The following TBC1D19 variants were observed in gnomAD, a reference collection of about 807,000 sequenced individuals.
TBC1D19 encodes the protein TBC1 domain family member 19.
TBC1D19 carries 60 observed loss-of-function variants against 89.0 expected under a neutral mutation model. The observed-to-expected ratio is 0.67, with a 90% confidence interval of 0.55 to 0.84. The LOEUF is 0.84. Ranked by LOEUF, TBC1D19 falls within the 40% of genes least tolerant of loss-of-function variation. The probability of loss-of-function intolerance (pLI) is 0.00; values close to 1 mark genes in which losing one functional copy is unlikely to be tolerated. For missense variants in TBC1D19, 500 were observed against 610.8 expected (o/e 0.82, Z 1.91); for synonymous variants, 189 against 199.7 (o/e 0.95, Z 0.45).
intron 15 of TBC1D19, among the ~76,000 whole-genome samples, chr4:26,723,049 T>C (rs1717076796): frequency 6.6e-6 from 1 of 152,196 alleles, no homozygotes; most frequent in Non-Finnish European, 1.5e-5. Flanking sequence ...AGAGGATGTA[T>C]GTGATAGGTT....
the TBC1D19 span, among the ~76,000 whole-genome samples, chr4:26,842,591 T>C: frequency 6.0e-3 from 521 of 86,768 alleles, 3 homozygotes; most frequent in Middle Eastern, 9.9e-3. Context: ...TCCCTTTCTT[T>C]CTTTCTTTCT....
chr4:26,699,015 T>G (rs1295082849), intron 13 of TBC1D19, among the ~76,000 whole-genome samples: 3 of 152,040 alleles, frequency 2.0e-5, no homozygotes, highest in African/African-American at 4.8e-5. Flanking sequence ...TGACAAATGT[T>G]ATCTAATTAA....
At chr4:26,724,312 G>A (rs1342857499) in intron 15 of TBC1D19, among the ~76,000 whole-genome samples, 1 of 152,028 alleles carries the variant, frequency 6.6e-6, no homozygotes, top group African/African-American at 2.4e-5. Context: ...CCTGTGAATG[G>A]GTTATACTTT....
At chr4:26,817,456 C>T in the TBC1D19 span, among the ~76,000 whole-genome samples, 21 of 152,148 alleles carry the variant, frequency 1.4e-4, no homozygotes, top group Admixed American at 3.9e-4. Flanking sequence ...TTGGTAGTTG[C>T]GTGCCCTTGG....
chr4:26,651,726 A>G (rs1015118083), intron 7 of TBC1D19, among the ~76,000 whole-genome samples: 1 of 152,096 alleles, frequency 6.6e-6, no homozygotes, highest in Non-Finnish European at 1.5e-5. Context: ...CCTGATTGCC[A>G]TGGCCAGAAC....
the TBC1D19 span, among the ~76,000 whole-genome samples, chr4:26,838,725 A>G: frequency 5.9e-5 from 9 of 152,238 alleles, no homozygotes; most frequent in Admixed American, 2.6e-4. Context: ...CAAGGATTCC[A>G]AAACCTGATC....
intron 1 of TBC1D19, among the ~76,000 whole-genome samples, chr4:26,578,865 G>A (rs1739019751): frequency 6.6e-6 from 1 of 152,180 alleles, no homozygotes; most frequent in Non-Finnish European, 1.5e-5. Context: ...AATTCCAGTA[G>A]AGTGGCTAAC....
intron 6 of TBC1D19, among the ~76,000 whole-genome samples, chr4:26,639,678 C>A (rs899259437): frequency 2.6e-5 from 4 of 152,094 alleles, no homozygotes; most frequent in African/African-American, 9.7e-5. Flanking sequence ...CTTCCTCCTC[C>A]CCTTCCTTTA....
intron 13 of TBC1D19, among the ~76,000 whole-genome samples, chr4:26,714,649 A>C (rs571039024): frequency 1.3e-5 from 2 of 152,242 alleles, no homozygotes; most frequent in South Asian, 4.1e-4. Context: ...TTATAAATAC[A>C]AAACCAGATA....
intron 19 of TBC1D19, among the ~76,000 whole-genome samples, chr4:26,751,616 T>G (rs997493574): frequency 6.6e-6 from 1 of 152,228 alleles, no homozygotes; most frequent in African/African-American, 2.4e-5. Context: ...ATTCACTAAC[T>G]CCAGCTGACT....
intron 1 of TBC1D19, among the ~76,000 whole-genome samples, chr4:26,608,203 C>T (rs921300695): frequency 1.3e-5 from 2 of 152,110 alleles, no homozygotes; most frequent in Non-Finnish European, 2.9e-5. Context: ...TGGGAGTGTG[C>T]TGAGATGACC....
At chr4:26,637,619 A>G (rs41267463) in intron 5 of TBC1D19, among the ~76,000 whole-genome samples, 8,021 of 152,110 alleles carry the variant, frequency 0.053, 286 homozygotes, top group South Asian at 0.12. Flanking sequence ...TGATCCGCCC[A>G]CCTTGGCCTC....
intron 19 of TBC1D19, among the ~76,000 whole-genome samples, chr4:26,753,165 T>A (rs1425015969): frequency 1.3e-5 from 2 of 152,166 alleles, no homozygotes; most frequent in Non-Finnish European, 2.9e-5. Context: ...TAACAAAAAA[T>A]TATAAAAATA....
intron 14 of TBC1D19, 140 bp from the exon 15 acceptor site, chr4:26,719,941 G>A: frequency 1.8e-6 from 1 of 571,400 alleles, no homozygotes; most frequent in Non-Finnish European, 2.8e-6. Flanking sequence ...ACATTTTTAA[G>A]TTAATTTCAT....
chr4:26,699,216 A>G (rs1715094682), intron 13 of TBC1D19, among the ~76,000 whole-genome samples: 1 of 152,228 alleles, frequency 6.6e-6, no homozygotes, highest in Non-Finnish European at 1.5e-5. Context: ...ATGAACAGAC[A>G]CTTCTCAAAA....
chr4:26,683,745 A>C lies in TBC1D19; in HGVS notation c.887A>C (p.Tyr296Ser). The C allele has an allele frequency of 6.2e-7, 1 of 1,609,012 alleles. No individual in the cohort carries two copies. Among genetic ancestry groups the C allele is most frequent in the Non-Finnish European group, 8.5e-7 (1 of 1,178,492 alleles). Reference protein sequence around the residue: ...QHDLLVDSLIYKDVKLTASND... With the variant: ...QHDLLVDSLISKDVKLTASND... ...GACCTTTTGGTGGACAGTCTAATCT[A>C]TAAAGTAAGTAAAAGTCAGCTTAGT... The change falls in exon 12 of 21, where the codon TAT becomes TCT. Residue 296 changes from tyrosine (Y) to serine (S), a missense_variant. Transcript: ENST00000264866.
chr4:26,828,627 C>A, the TBC1D19 span, among the ~76,000 whole-genome samples: 1 of 152,178 alleles, frequency 6.6e-6, no homozygotes, highest in Admixed American at 6.5e-5. Context: ...CGGGAGCACC[C>A]CCATCTTCAA....
upstream of TBC1D19, among the ~76,000 whole-genome samples, chr4:26,581,938 T>G (rs562825275): frequency 5.3e-5 from 8 of 151,952 alleles, no homozygotes; most frequent in Non-Finnish European, 1.2e-4. Flanking sequence ...CTTCTATGTA[T>G]GTAAAAAACA....
the TBC1D19 span, among the ~76,000 whole-genome samples, chr4:26,813,268 AAAAG>A: frequency 6.6e-6 from 1 of 152,172 alleles, no homozygotes; most frequent in African/African-American, 2.4e-5. Context: ...CAAACGAAAA[AAAAG>A]AAAAGAAAAG....
Sources: gnomAD v4.1 joint callset for allele counts (sites outside exome capture counted in the v4.1 genomes callset) on GRCh38, gnomAD v4.1.1 for gene constraint, MANE v1.5 for transcripts, NCBI Gene and HGNC (gene_info 2026-07-23, HGNC 2026-07-21) for gene names.